Variants in MICU1 observed in about 807,000 individuals in gnomAD.
MICU1 encodes mitochondrial calcium uptake 1.
A neutral mutation model predicts 56.8 loss-of-function variants in MICU1; 45 were observed. That is an observed-to-expected ratio of 0.79 (90% CI 0.62 to 1.02). MICU1 has a LOEUF of 1.02. Ranked by LOEUF, MICU1 falls within the 50% of genes least tolerant of loss-of-function variation. The pLI is 0.00. For missense variants in MICU1, 504 were observed against 587.1 expected (o/e 0.86, Z 1.46); for synonymous variants, 186 against 195.1 (o/e 0.95, Z 0.39).
At chr10:72,411,553 G>A (rs932998597) in intron 9 of MICU1, among the ~76,000 whole-genome samples, 39 of 151,968 alleles carry the variant, frequency 2.6e-4, no homozygotes, top group African/African-American at 7.2e-4. Flanking sequence ...GGATGGTCTC[G>A]ATCTCCTGAC....
intron 6 of MICU1, among the ~76,000 whole-genome samples, chr10:72,492,789 G>GAATAAAATAAAATAAAATAAAATAA (rs71018299): frequency 0.013 from 1,810 of 135,224 alleles, 41 homozygotes; most frequent in African/African-American, 0.034. Context: ...AAATAGAATA[G>GAATAAAATAAAATAAAATAAAATAA]AATAAAATAA....
At chr10:72,577,790 G>A (rs1465686934) in intron 1 of MICU1, among the ~76,000 whole-genome samples, 2 of 152,166 alleles carry the variant, frequency 1.3e-5, no homozygotes, top group Non-Finnish European at 2.9e-5. Context: ...AAACTTGAAT[G>A]GATGAAGAGT....
chr10:72,433,936 G>A (rs1362451021), intron 8 of MICU1, among the ~76,000 whole-genome samples: 2 of 152,182 alleles, frequency 1.3e-5, no homozygotes, highest in African/African-American at 4.8e-5. Flanking sequence ...AAGTCCTCCA[G>A]TACTGACTTT....
chr10:72,586,607 G>A (rs553977137), intron 1 of MICU1, among the ~76,000 whole-genome samples: 12 of 151,448 alleles, frequency 7.9e-5, no homozygotes, highest in Admixed American at 1.3e-4. Flanking sequence ...AGCCAAGATC[G>A]TGCCACTGTA....
At chr10:72,404,658 C>G (rs1041639254) in intron 10 of MICU1, among the ~76,000 whole-genome samples, 1 of 152,050 alleles carries the variant, frequency 6.6e-6, no homozygotes, top group African/African-American at 2.4e-5. Flanking sequence ...AACTTCATGT[C>G]AATAAATTCA....
chr10:72,377,721 C>A (rs1187321787), intron 10 of MICU1, among the ~76,000 whole-genome samples: 1 of 152,112 alleles, frequency 6.6e-6, no homozygotes, highest in Non-Finnish European at 1.5e-5. Flanking sequence ...GATTAATTTC[C>A]ATTTATGCTG....
chr10:72,606,726 A>G (rs965316187), intron 1 of MICU1, among the ~76,000 whole-genome samples: 5 of 152,022 alleles, frequency 3.3e-5, no homozygotes, highest in Non-Finnish European at 5.9e-5. Context: ...GGGCTTCTAA[A>G]TAGTCCCAGA....
intron 6 of MICU1, among the ~76,000 whole-genome samples, chr10:72,499,889 T>TTTG: frequency 6.6e-6 from 1 of 152,292 alleles, no homozygotes; most frequent in African/African-American, 2.4e-5. Context: ...TGATCTGCTC[T>TTTG]TGACTTCAGC....
At chr10:72,522,407 C>T (rs570582037) in intron 5 of MICU1, among the ~76,000 whole-genome samples, 66 of 152,116 alleles carry the variant, frequency 4.3e-4, no homozygotes, top group African/African-American at 1.6e-3. Context: ...AATTCAAACA[C>T]AACATAATCT....
At chr10:72,441,697 A>C (rs1334587477) in intron 8 of MICU1, among the ~76,000 whole-genome samples, 8 of 143,714 alleles carry the variant, frequency 5.6e-5, no homozygotes, top group Non-Finnish European at 1.1e-4. Flanking sequence ...GCTCACTGCA[A>C]CCTCTGCCTT....
At chr10:72,555,488 C>T (rs775250858) in intron 3 of MICU1, among the ~76,000 whole-genome samples, 11 of 152,030 alleles carry the variant, frequency 7.2e-5, no homozygotes, top group Non-Finnish European at 1.2e-4. Context: ...CCATTTTTAA[C>T]GGCAGAAGCA....
intron 1 of MICU1, among the ~76,000 whole-genome samples, chr10:72,593,317 C>T (rs1423324278): frequency 1.3e-5 from 2 of 151,932 alleles, no homozygotes; most frequent in Non-Finnish European, 2.9e-5. Context: ...AAACAAAAAG[C>T]AGCCAGGCGT....
At chr10:72,489,957 C>G (rs1866599362) in intron 6 of MICU1, among the ~76,000 whole-genome samples, 1 of 152,082 alleles carries the variant, frequency 6.6e-6, no homozygotes, top group Admixed American at 6.5e-5. Flanking sequence ...ACAAAAAACA[C>G]CACATGAAAC....
At chr10:72,395,538 C>T (rs943599589) in intron 10 of MICU1, among the ~76,000 whole-genome samples, 1 of 152,190 alleles carries the variant, frequency 6.6e-6, no homozygotes, top group African/African-American at 2.4e-5. Flanking sequence ...CCAAGGGAAG[C>T]CATGACAGAC....
chr10:72,591,907 A>G (rs373507482), intron 1 of MICU1, among the ~76,000 whole-genome samples: 2 of 151,308 alleles, frequency 1.3e-5, no homozygotes, highest in East Asian at 3.9e-4. Context: ...GCTACTCGAG[A>G]GGCTGAGGCA....
chr10:72,611,301 T>TAA (rs57100556), intron 1 of MICU1, among the ~76,000 whole-genome samples: 6 of 135,994 alleles, frequency 4.4e-5, no homozygotes, highest in African/African-American at 8.2e-5. Context: ...AGACTCCCTT[T>TAA]AAAAAAAAAA....
At chr10:72,526,803 T>C (rs981680308) in intron 5 of MICU1, among the ~76,000 whole-genome samples, 8 of 152,104 alleles carry the variant, frequency 5.3e-5, no homozygotes, top group African/African-American at 7.2e-5. Flanking sequence ...TCCAGTTGTG[T>C]ATACGACCTC....
At chr10:72,586,868 C>T (rs1019021867) in intron 1 of MICU1, among the ~76,000 whole-genome samples, 8 of 152,334 alleles carry the variant, frequency 5.3e-5, no homozygotes, top group African/African-American at 1.9e-4. Flanking sequence ...ATATCTCTCT[C>T]TTCCATTATT....
At chr10:72,408,571 C>G (rs544351706) in intron 9 of MICU1, among the ~76,000 whole-genome samples, 62 of 152,202 alleles carry the variant, frequency 4.1e-4, no homozygotes, top group African/African-American at 1.3e-3. Flanking sequence ...AGCCTCCCAA[C>G]GTGCTGGGAT....
Sources: gnomAD v4.1 joint callset for allele counts (sites outside exome capture counted in the v4.1 genomes callset) on GRCh38, gnomAD v4.1.1 for gene constraint, MANE v1.5 for transcripts, NCBI Gene and HGNC (gene_info 2026-07-23, HGNC 2026-07-21) for gene names.